The following KCNIP4 variants were observed in gnomAD, a reference collection of about 807,000 sequenced individuals.
KCNIP4 encodes the protein Kv channel-interacting protein 4.
A neutral mutation model predicts 34.0 loss-of-function variants in KCNIP4; 12 were observed. That is an observed-to-expected ratio of 0.35 (90% CI 0.23 to 0.57). KCNIP4 has a LOEUF of 0.57. KCNIP4 is among the 20% of genes least tolerant of loss of function. The pLI, the probability that KCNIP4 is intolerant of heterozygous loss-of-function variation, is 0.83. For synonymous variants in KCNIP4, 124 were observed against 102.2 expected (o/e 1.21, Z -1.29); for missense variants, 238 against 311.7 (o/e 0.76, Z 1.78).
At chr4:21,337,957 G>A (rs556685578) in intron 1 of KCNIP4, among the ~76,000 whole-genome samples, 4 of 152,140 alleles carry the variant, frequency 2.6e-5, no homozygotes, top group African/African-American at 4.8e-5. Context: ...AGTCAGAGGC[G>A]GGCTGCTGAA....
intron 1 of KCNIP4, among the ~76,000 whole-genome samples, chr4:21,356,822 A>C (rs930551199): frequency 6.6e-6 from 1 of 152,304 alleles, no homozygotes; most frequent in South Asian, 2.1e-4. Flanking sequence ...ACTACTTTAA[A>C]GTTCACAGGG....
At chr4:21,472,468 T>C (rs187896009) in intron 1 of KCNIP4, among the ~76,000 whole-genome samples, 1 of 152,296 alleles carries the variant, frequency 6.6e-6, no homozygotes, top group South Asian at 2.1e-4. Flanking sequence ...TTACTACAAC[T>C]ATCATTACCT....
At chr4:20,945,290 T>C (rs1356731091) in intron 1 of KCNIP4, among the ~76,000 whole-genome samples, 2 of 152,166 alleles carry the variant, frequency 1.3e-5, no homozygotes, top group African/African-American at 2.4e-5. Context: ...AACCATCTTA[T>C]TTTCCAGAGA....
At chr4:21,607,871 C>G (rs17486095) in intron 1 of KCNIP4, among the ~76,000 whole-genome samples, 5,660 of 152,194 alleles carry the variant, frequency 0.037, 125 homozygotes, top group Non-Finnish European at 0.055. Flanking sequence ...TCTCTAGTAA[C>G]AAAGCTATTT....
In KCNIP4 at chr4:20,859,699, A is replaced by C. The variant is rs545031971; in HGVS notation, c.164-9032T>G. ...TTTCTCACAACTTCTCTTAAAATAC[A>C]GTAGAAGCTTGGTACAGCTCAACTC... On this transcript the variant is annotated intron_variant, in intron 2 of 8. Transcript: ENST00000382152. Among the ~76,000 whole-genome samples the C allele has an allele frequency of 2.6e-5, 4 of 152,288 alleles. No individual in the cohort carries two copies. The East Asian group carries it at 5.8e-4, about 22-fold the overall frequency.
intron 1 of KCNIP4, among the ~76,000 whole-genome samples, chr4:21,405,676 T>C (rs1253826535): frequency 6.6e-6 from 1 of 152,188 alleles, no homozygotes; most frequent in Non-Finnish European, 1.5e-5. Context: ...CTAATAAATA[T>C]CAGCCATTAT....
chr4:21,282,767 G>C (rs1762861232), intron 1 of KCNIP4, among the ~76,000 whole-genome samples: 1 of 152,030 alleles, frequency 6.6e-6, no homozygotes, highest in African/African-American at 2.4e-5. Context: ...GATACTCTTT[G>C]CTTCTGCTCA....
chr4:21,384,034 C>G (rs55920737), intron 1 of KCNIP4, among the ~76,000 whole-genome samples: 1 of 151,918 alleles, frequency 6.6e-6, no homozygotes, highest in Non-Finnish European at 1.5e-5. Flanking sequence ...CACAAGAGCA[C>G]GCCGAGCTCA....
intron 3 of KCNIP4, among the ~76,000 whole-genome samples, chr4:20,787,118 T>C (rs779032026): frequency 6.6e-6 from 1 of 152,178 alleles, no homozygotes; most frequent in Non-Finnish European, 1.5e-5. Context: ...GGGGCCCTTC[T>C]GAGATGATGC....
At chr4:21,801,053 T>C (rs888630423) in intron 1 of KCNIP4, among the ~76,000 whole-genome samples, 1 of 152,046 alleles carries the variant, frequency 6.6e-6, no homozygotes, top group African/African-American at 2.4e-5. Context: ...CTCAGAAAAA[T>C]CAGGGAGGTT....
At chr4:21,522,696 C>T (rs558278163) in intron 1 of KCNIP4, among the ~76,000 whole-genome samples, 2 of 151,996 alleles carry the variant, frequency 1.3e-5, no homozygotes, top group East Asian at 1.9e-4. Flanking sequence ...CTAGTTACTA[C>T]CTGTCCAACC....
chr4:21,484,218 G>A (rs1577441163), intron 1 of KCNIP4, among the ~76,000 whole-genome samples: 1 of 152,198 alleles, frequency 6.6e-6, no homozygotes, highest in East Asian at 1.9e-4. Flanking sequence ...CCTGAGGTCA[G>A]GAGTTCAAGA....
chr4:20,834,343 C>T (rs1232777117), intron 3 of KCNIP4, among the ~76,000 whole-genome samples: 1 of 152,132 alleles, frequency 6.6e-6, no homozygotes, highest in South Asian at 2.1e-4. Context: ...AACTATGTGC[C>T]AGGAAAAGTA....
At chr4:21,939,317 G>A (rs1730063638) in intron 1 of KCNIP4, among the ~76,000 whole-genome samples, 1 of 151,982 alleles carries the variant, frequency 6.6e-6, no homozygotes, top group Non-Finnish European at 1.5e-5. Flanking sequence ...GGAGACTCCT[G>A]TACTTAAATT....
chr4:20,731,233 C>CTAACT (rs1220455186), intron 8 of KCNIP4: 1 of 237,906 alleles, frequency 4.2e-6, no homozygotes, highest in African/African-American at 2.3e-5. Flanking sequence ...CCGTGCCCAG[C>CTAACT]TAACTTAATT....
intron 1 of KCNIP4, chr4:21,847,706 T>G (rs1377309600): frequency 6.6e-6 from 1 of 152,162 alleles, no homozygotes; most frequent in East Asian, 1.9e-4. Context: ...TTTGTGCTCT[T>G]AGAATAGCTG....
chr4:21,758,265 G>A (rs1462254798), intron 1 of KCNIP4, among the ~76,000 whole-genome samples: 1 of 152,136 alleles, frequency 6.6e-6, no homozygotes, highest in East Asian at 1.9e-4. Flanking sequence ...ACTATGTCTG[G>A]TAAAGAATAG....
At chr4:20,847,706 G>A (rs1327150758) in intron 3 of KCNIP4, among the ~76,000 whole-genome samples, 2 of 152,138 alleles carry the variant, frequency 1.3e-5, no homozygotes, top group African/African-American at 4.8e-5. Context: ...ATGTATCAGA[G>A]ATACCATATG....
chr4:20,753,818 C>G (rs1195209034), intron 4 of KCNIP4, among the ~76,000 whole-genome samples: 1 of 152,134 alleles, frequency 6.6e-6, no homozygotes, highest in Non-Finnish European at 1.5e-5. Flanking sequence ...ATCTTTATGT[C>G]TACAGAACTC....
Sources: gnomAD v4.1 joint callset for allele counts (sites outside exome capture counted in the v4.1 genomes callset) on GRCh38, gnomAD v4.1.1 for gene constraint, MANE v1.5 for transcripts, NCBI Gene and HGNC (gene_info 2026-07-23, HGNC 2026-07-21) for gene names.